Variants in KIAA1549L observed in about 807,000 individuals in gnomAD.
KIAA1549L encodes the protein KIAA1549 like.
A neutral mutation model predicts 160.7 loss-of-function variants in KIAA1549L; 88 were observed. The ratio of observed to expected loss-of-function variants is 0.55; its 90% CI spans 0.46 to 0.65. The LOEUF (loss-of-function observed/expected upper bound fraction) is 0.65, where lower values mean the gene tolerates loss of function less well. Among genes scored for constraint, KIAA1549L ranks in the 30% least tolerant of loss-of-function variants. The pLI is 0.00. For synonymous variants in KIAA1549L, 950 were observed against 976.7 expected, an observed-to-expected ratio of 0.97 and a Z score of 0.51; for missense variants, 2,258 against 2,437.5, an observed-to-expected ratio of 0.93 and a Z score of 1.55.
At chr11:33,642,125 G>A (rs1851602840) in intron 16 of KIAA1549L, among the ~76,000 whole-genome samples, 1 of 152,102 alleles carries the variant, frequency 6.6e-6, no homozygotes, top group African/African-American at 2.4e-5. Context: ...GAGGAGTATG[G>A]CATCTCCTAG....
At chr11:33,626,075 T>A (rs1397614195) in intron 16 of KIAA1549L, among the ~76,000 whole-genome samples, 2 of 150,888 alleles carry the variant, frequency 1.3e-5, no homozygotes, top group Admixed American at 1.3e-4. Flanking sequence ...GTTGTAGATA[T>A]GCGGCATGAT....
At chr11:33,614,598 T>A (rs1311650942) in intron 15 of KIAA1549L, among the ~76,000 whole-genome samples, 3 of 57,964 alleles carry the variant, frequency 5.2e-5, no homozygotes, top group Non-Finnish European at 7.6e-5. Context: ...TTTTTTTTTT[T>A]TTTTTTTTTT....
At chr11:33,465,440 G>C (rs1357989152) in intron 1 of KIAA1549L, among the ~76,000 whole-genome samples, 1 of 152,048 alleles carries the variant, frequency 6.6e-6, no homozygotes, top group East Asian at 1.9e-4. Context: ...GCTCCACTGA[G>C]GGTTCTCATC....
chr11:33,666,180 C>A (rs897446299), intron 20 of KIAA1549L, among the ~76,000 whole-genome samples: 5 of 151,994 alleles, frequency 3.3e-5, no homozygotes, highest in Non-Finnish European at 4.4e-5. Context: ...CCTGCCTGCT[C>A]CATAGAGCAG....
chr11:33,511,060 C>T (rs1590299468), intron 1 of KIAA1549L, among the ~76,000 whole-genome samples: 1 of 152,348 alleles, frequency 6.6e-6, no homozygotes, highest in South Asian at 2.1e-4. Context: ...CATTAGTTTT[C>T]CATGGCGTCA....
At chr11:33,438,197 T>A (rs1590244495) in intron 1 of KIAA1549L, among the ~76,000 whole-genome samples, 1 of 152,370 alleles carries the variant, frequency 6.6e-6, no homozygotes, top group African/African-American at 2.4e-5. Context: ...TGGTCATTTC[T>A]TGGGGGAGAA....
At chr11:33,533,426 C>G (rs1383144162) in intron 1 of KIAA1549L, among the ~76,000 whole-genome samples, 1 of 152,110 alleles carries the variant, frequency 6.6e-6, no homozygotes, top group Admixed American at 6.6e-5. Flanking sequence ...TTTCTTAATT[C>G]CTTTTATGTT....
chr11:33,464,893 C>A (rs1010434020), intron 1 of KIAA1549L, among the ~76,000 whole-genome samples: 1 of 151,914 alleles, frequency 6.6e-6, no homozygotes, highest in Admixed American at 6.6e-5. Context: ...CTTCTCCGAA[C>A]CCCAAGTCTG....
chr11:33,596,108 C>T (rs1293228763), intron 12 of KIAA1549L, among the ~76,000 whole-genome samples: 5 of 152,196 alleles, frequency 3.3e-5, no homozygotes, highest in Admixed American at 1.3e-4. Flanking sequence ...GAATATTCTT[C>T]CCAGCTCCAT....
chr11:33,628,995 T>G (rs558652347), intron 16 of KIAA1549L, among the ~76,000 whole-genome samples: 2 of 150,032 alleles, frequency 1.3e-5, no homozygotes, highest in Admixed American at 6.6e-5. Flanking sequence ...TGACAAAAGC[T>G]CTCAGCATTT....
At chr11:33,446,305 G>C (rs926070350) in intron 1 of KIAA1549L, among the ~76,000 whole-genome samples, 1 of 152,134 alleles carries the variant, frequency 6.6e-6, no homozygotes, top group East Asian at 1.9e-4. Flanking sequence ...ATGTTGGCCA[G>C]GCTGGCCTTG....
chr11:33,480,013 A>G (rs376555600), intron 1 of KIAA1549L, among the ~76,000 whole-genome samples: 1 of 152,154 alleles, frequency 6.6e-6, no homozygotes, highest in East Asian at 1.9e-4. Context: ...GCCTCCATGT[A>G]TCAGAGTTGG....
chr11:33,621,469 A>G (rs938966619), intron 16 of KIAA1549L, among the ~76,000 whole-genome samples: 2 of 152,326 alleles, frequency 1.3e-5, no homozygotes, highest in African/African-American at 2.4e-5. Flanking sequence ...AGATGCTCCA[A>G]ACTCCCAAAA....
At chr11:33,461,685 A>G (rs992250110) in intron 1 of KIAA1549L, among the ~76,000 whole-genome samples, 1 of 152,224 alleles carries the variant, frequency 6.6e-6, no homozygotes, top group Non-Finnish European at 1.5e-5. Context: ...TAATAAAATC[A>G]GCCAACATTT....
chr11:33,438,136 G>A (rs1235552622), intron 1 of KIAA1549L, among the ~76,000 whole-genome samples: 1 of 152,150 alleles, frequency 6.6e-6, no homozygotes, highest in Non-Finnish European at 1.5e-5. Context: ...TTTAGAAGGA[G>A]CTATACTACT....
intron 1 of KIAA1549L, among the ~76,000 whole-genome samples, chr11:33,444,884 C>T (rs556674196): frequency 1.1e-4 from 17 of 152,298 alleles, no homozygotes; most frequent in African/African-American, 4.1e-4. Context: ...CACCACATAT[C>T]CACTGCTTTA....
intron 1 of KIAA1549L, among the ~76,000 whole-genome samples, chr11:33,467,475 G>A (rs1409014137): frequency 6.6e-6 from 1 of 152,218 alleles, no homozygotes; most frequent in Non-Finnish European, 1.5e-5. Flanking sequence ...ACATAGGGGT[G>A]ATTTGCTTGG....
chr11:33,407,199 C>T (rs1269659106), intron 1 of KIAA1549L, among the ~76,000 whole-genome samples: 1 of 149,854 alleles, frequency 6.7e-6, no homozygotes, highest in Non-Finnish European at 1.5e-5. Context: ...ATTCTCCTGC[C>T]TCAGCCTCCC....
chr11:33,614,531 G>GCCATAT (rs879500574), intron 15 of KIAA1549L, among the ~76,000 whole-genome samples: 44 of 27,114 alleles, frequency 1.6e-3, no homozygotes, highest in Non-Finnish European at 2.3e-3. Flanking sequence ...AGTGTAACAA[G>GCCATAT]ATATATATAT....
Sources: gnomAD v4.1 joint callset for allele counts (sites outside exome capture counted in the v4.1 genomes callset) on GRCh38, gnomAD v4.1.1 for gene constraint, MANE v1.5 for transcripts, NCBI Gene and HGNC (gene_info 2026-07-23, HGNC 2026-07-21) for gene names.